The following MON2 variants were observed in gnomAD, a reference collection of about 807,000 sequenced individuals.
MON2 encodes the protein MON2 regulator of endosome-to-Golgi trafficking.
In MON2, 84 loss-of-function variants were observed where a neutral mutation model predicts 208.6. The observed-to-expected ratio is 0.40, with a 90% CI of 0.34 to 0.48. The LOEUF is 0.48. MON2 is among the 20% of genes least tolerant of loss of function. The pLI, the probability that MON2 is intolerant of heterozygous loss-of-function variation, is 0.59. For missense variants in MON2, 1,611 were observed against 2,015.4 expected (o/e 0.80, Z 3.84); for synonymous variants, 660 against 694.0 (o/e 0.95, Z 0.77).
rs2073084277 is a variant in MON2 at position 62,538,511 on chromosome 12, A to G, written c.2364+6A>G. On this transcript the variant is annotated splice_donor_region_variant and intron_variant, in intron 19 of 34. Transcript: ENST00000393630. ...TGGCCTATGGAAATAATAAGGTGTG[A>G]TATTCTACCTTTCTGTTTTAGATAT... 3 of 1,552,252 alleles carry G rather than the reference A, an allele frequency of 1.9e-6. No homozygotes were observed. Among genetic ancestry groups the G allele is most frequent in the Non-Finnish European group, 2.7e-6 (3 of 1,126,414 alleles).
At chr12:62,481,847 A>G (rs1198601374) in intron 1 of MON2, among the ~76,000 whole-genome samples, 1 of 152,116 alleles carries the variant, frequency 6.6e-6, no homozygotes, top group East Asian at 1.9e-4. Context: ...TACTGATAGG[A>G]TATTGAGTGG....
intron 1 of MON2, among the ~76,000 whole-genome samples, chr12:62,471,593 A>G (rs1165971472): frequency 6.6e-6 from 1 of 152,228 alleles, no homozygotes; most frequent in Non-Finnish European, 1.5e-5. Context: ...TTTCAAATTT[A>G]GGAGTATCAG....
Position 62,560,681 on chromosome 12 carries a change from G to C in MON2, c.3600G>C (p.Gly1200=), listed in dbSNP as rs1592399985. ...ATGTACCTGTGCCTGTTCTTATAGG[G>C]CCCATATCAGGCATGAGCAGGCCAT... ...VVNVPVPVLI[G]PISGMSRPFV... The change falls in exon 26 of 35, where the codon GGG becomes GGC. Residue 1200 remains glycine, a synonymous_variant. Transcript: ENST00000393630. The C allele has an allele frequency of 4.3e-6, 7 of 1,613,942 alleles. No individual in the cohort carries two copies. In the African/African-American group the frequency reaches 9.3e-5, roughly 22 times the overall value.
At chr12:62,484,267 A>G (rs1277476100) in intron 2 of MON2, 34 bp downstream of exon 2, 1 of 1,390,308 alleles carries the variant, frequency 7.2e-7, no homozygotes, top group African/African-American at 1.5e-5. Context: ...AATAATAAAC[A>G]AAAATTTGAC....
In MON2 at chr12:62,571,398, A is replaced by G; in HGVS notation, c.4330A>G (p.Arg1444Gly). The G allele has an allele frequency of 1.9e-6, 3 of 1,596,782 alleles. No individual in the cohort carries two copies. Among genetic ancestry groups the G allele is most frequent in the Non-Finnish European group, 2.6e-6 (3 of 1,169,176 alleles). ...AAACTGTCTTTATTTTCAGACTCTTAGGGTTCCTCTCAGTTTGAAGTATTC... is the reference window on the plus strand; with the variant it reads ...AAACTGTCTTTATTTTCAGACTCTTGGGGTTCCTCTCAGTTTGAAGTATTC... Reference protein sequence around the residue: ...KVLQNIIKTLRVPLSLKYSCP... With the variant: ...KVLQNIIKTLGVPLSLKYSCP... The change falls in exon 30 of 35, where the codon AGG becomes GGG. Residue 1444 changes from arginine (R) to glycine (G), a missense_variant. Physicochemically the swap from Arg to Gly is moderately radical, Grantham distance 125. Coordinates refer to ENST00000393630, the MANE Select transcript of MON2 (RefSeq NM_015026.3).
chr12:62,534,538 A>T (rs1411039181), intron 12 of MON2, among the ~76,000 whole-genome samples: 718 of 24,732 alleles, frequency 0.029, 21 homozygotes, highest in African/African-American at 0.079. Context: ...AAAAAAAAAA[A>T]AAAAATATAT....
chr12:62,491,078 C>T (rs2070103851), intron 2 of MON2, among the ~76,000 whole-genome samples: 1 of 152,152 alleles, frequency 6.6e-6, no homozygotes, highest in Non-Finnish European at 1.5e-5. Flanking sequence ...CATGGTTCTT[C>T]ATGTTATTAT....
At position 62,532,565 on chromosome 12, in the gene MON2, C is replaced by T; in HGVS notation, c.1528C>T (p.Leu510Phe). Reference sequence around the variant, plus strand: ...TATGATTGAAGGAGAGCTAGGAGAGCTTGAAACAGAATGTCAAACCACCAC... The same window carrying T: ...TATGATTGAAGGAGAGCTAGGAGAGTTTGAAACAGAATGTCAAACCACCAC... ...TSMIEGELGE[L>F]ETECQTTTEE... The change falls in exon 12 of 35, where the codon CTT (leucine) becomes TTT (phenylalanine). Residue 510 changes from leucine (L) to phenylalanine (F), a missense_variant. Transcript: ENST00000393630. 1.2e-6 allele frequency: 2 copies of T among 1,614,050 alleles called. No individual in the cohort carries two copies.
At chr12:62,473,788 C>G (rs561852740) in intron 1 of MON2, among the ~76,000 whole-genome samples, 1 of 152,040 alleles carries the variant, frequency 6.6e-6, no homozygotes, top group Admixed American at 6.6e-5. Context: ...CTGGGCTGGT[C>G]GCAAACCCCT....
Position 62,560,928 on chromosome 12 carries a change from C to T in MON2, c.3847C>T (p.Leu1283Phe), listed in dbSNP as rs2074175007. 1.2e-6 allele frequency: 2 copies of T among 1,613,852 alleles called. No homozygotes were observed. Among genetic ancestry groups the T allele is most frequent in the Non-Finnish European group, 1.7e-6 (2 of 1,179,800 alleles). The change falls in exon 26 of 35, where the codon CTC becomes TTC. Residue 1283 changes from leucine to phenylalanine, a missense_variant. Leu to Phe is a conservative substitution (Grantham distance 22). Coordinates refer to ENST00000393630, the MANE Select transcript of MON2 (RefSeq NM_015026.3). Reference sequence around the variant, plus strand: ...AGCTTTAATTCAGATATTTCCAGCTCTCTACCAACACATAAAAACTGGTTT... The same window carrying T: ...AGCTTTAATTCAGATATTTCCAGCTTTCTACCAACACATAAAAACTGGTTT... Reference protein sequence around the residue: ...LTALIQIFPALYQHIKTGFNM... With the variant: ...LTALIQIFPAFYQHIKTGFNM...
chr12:62,574,735 T>C (rs183707538), intron 30 of MON2, among the ~76,000 whole-genome samples: 9 of 152,220 alleles, frequency 5.9e-5, no homozygotes, highest in African/African-American at 1.9e-4. Flanking sequence ...ACACCCTAGA[T>C]TGAGAGTCAG....
intron 8 of MON2, among the ~76,000 whole-genome samples, chr12:62,521,226 T>G (rs1200807191): frequency 6.6e-6 from 1 of 152,004 alleles, no homozygotes; most frequent in East Asian, 1.9e-4. Context: ...CAAGGCTAGT[T>G]TTGAATTCCT....
At chr12:62,475,218 T>C (rs1310267273) in intron 1 of MON2, among the ~76,000 whole-genome samples, 1 of 152,122 alleles carries the variant, frequency 6.6e-6, no homozygotes, top group Non-Finnish European at 1.5e-5. Flanking sequence ...TTTCATGTTA[T>C]GGCTTCTTTG....
rs1279067347 is a variant in MON2, at chr12:62,556,759, C to G, written c.3409+567C>G. 6.6e-5 allele frequency among the ~76,000 whole-genome samples: 10 copies of G among 152,036 alleles called. 1 individual carries two copies. Among genetic ancestry groups the G allele is most frequent in the Admixed American group, 6.6e-4 (10 of 15,260 alleles). On this transcript the variant is annotated intron_variant, in intron 25 of 34. Transcript: ENST00000393630. ...AGAGGTAGTGAAAGGCCAGATCATCCAGATCATGTAGAATGTGTTAGGAGA... is the reference window on the plus strand; with the variant it reads ...AGAGGTAGTGAAAGGCCAGATCATCGAGATCATGTAGAATGTGTTAGGAGA...
At position 62,537,803 on chromosome 12, in the gene MON2, T is replaced by TA. The variant is rs1292931282; in HGVS notation, c.2118+103dup. Reference sequence around the variant, plus strand: ...TGTATTTTGATGTTTTGGACAGGCCTAAAAAATAGATAGTAAGTATGAAAA... The same window carrying TA: ...TGTATTTTGATGTTTTGGACAGGCCTAAAAAAATAGATAGTAAGTATGAAAA... On this transcript the variant is annotated intron_variant, in intron 16 of 34. Transcript: ENST00000393630. 22 of 922,540 alleles carry TA rather than the reference T, an allele frequency of 2.4e-5. 1 individual carries two copies. The South Asian group carries it at 2.6e-4, about 11-fold the overall frequency. 57.1% of individuals were successfully genotyped at this position (922,540 alleles called of 1,614,324 possible). A position where few individuals can be genotyped will look rare whatever the true frequency, so the allele number is the denominator to read the frequency against.
chr12:62,512,689 TCTC>T lies in MON2; in HGVS notation c.984+4210_984+4212del, dbSNP rs1230239691. 3.3e-5 allele frequency among the ~76,000 whole-genome samples: 5 copies of T among 152,182 alleles called. No homozygotes were observed. In the East Asian group the frequency reaches 9.7e-4, roughly 29 times the overall value. On this transcript the variant is annotated intron_variant, in intron 8 of 34. Coordinates refer to ENST00000393630, the MANE Select transcript of MON2 (RefSeq NM_015026.3). ...TCTGGTGTCTGGACGGTGGCCCTCTTCTCACAGCTCCACTAGGCGGTGCTCCAG... is the reference window on the plus strand; with the variant it reads ...TCTGGTGTCTGGACGGTGGCCCTCTTACAGCTCCACTAGGCGGTGCTCCAG...
Position 62,543,245 on chromosome 12 carries a change from C to G in MON2, c.2466+47C>G, listed in dbSNP as rs762202258. The G allele has an allele frequency of 7.8e-6, 8 of 1,027,396 alleles. No homozygotes were observed. In the East Asian group the frequency reaches 1.5e-4, roughly 19 times the overall value. 63.6% of individuals were successfully genotyped at this position (1,027,396 alleles called of 1,614,324 possible). On this transcript the variant is annotated intron_variant, in intron 20 of 34. Coordinates refer to ENST00000393630, the MANE Select transcript of MON2 (RefSeq NM_015026.3). The stretch of plus-strand genomic sequence containing the variant: ...TATTTAATTTTTTAATAAACATTTG[C>G]ACACTGAGCTAATGATTCTAAATAG...
chr12:62,480,777 A>C (rs536192307), intron 1 of MON2, among the ~76,000 whole-genome samples: 1 of 152,346 alleles, frequency 6.6e-6, no homozygotes, highest in South Asian at 2.1e-4. Flanking sequence ...TAGAATTTAG[A>C]AAGTCTGGAT....
chr12:62,582,856 A>C (rs2136465679), intron 32 of MON2, among the ~76,000 whole-genome samples: 1 of 152,346 alleles, frequency 6.6e-6, no homozygotes, highest in Non-Finnish European at 1.5e-5. Context: ...TGATAGTCAG[A>C]GCTCACAGAC....
Sources: gnomAD v4.1 joint callset for allele counts (sites outside exome capture counted in the v4.1 genomes callset) on GRCh38, gnomAD v4.1.1 for gene constraint, MANE v1.5 for transcripts, NCBI Gene and HGNC (gene_info 2026-07-23, HGNC 2026-07-21) for gene names.